DCAF4: variants seen among roughly 807,000 people sequenced by gnomAD.
DCAF4 encodes the protein DDB1 and CUL4 associated factor 4, also known as DDB1- and CUL4-associated factor 4.
Under a neutral mutation model 60.9 loss-of-function variants are expected in DCAF4, and 37 were observed. That is an observed-to-expected ratio of 0.61 (90% CI 0.47 to 0.80). The LOEUF (loss-of-function observed/expected upper bound fraction) is 0.80, where lower values mean the gene tolerates loss of function less well. Among genes scored for constraint, DCAF4 ranks in the 30% least tolerant of loss-of-function variants. The pLI, the probability that DCAF4 is intolerant of heterozygous loss-of-function variation, is 0.00. For synonymous variants in DCAF4, 243 were observed against 254.8 expected (o/e 0.95, Z 0.44); for missense variants, 577 against 650.0 (o/e 0.89, Z 1.22).
intron 9 of DCAF4, among the ~76,000 whole-genome samples, chr14:72,953,776 A>T (rs1160594613): frequency 3.1e-4 from 11 of 35,532 alleles, no homozygotes; most frequent in South Asian, 1.2e-3. Flanking sequence ...TTATTTATTT[A>T]TTTATTTGTG....
chr14:72,953,732 A>AAAAAAATATAT (rs1555527852), intron 9 of DCAF4, among the ~76,000 whole-genome samples: 2 of 21,766 alleles, frequency 9.2e-5, no homozygotes, highest in African/African-American at 2.3e-4. Context: ...AAAAAAAAAA[A>AAAAAAATATAT]ATATATATAT....
intron 9 of DCAF4, among the ~76,000 whole-genome samples, chr14:72,953,014 T>G (rs1219438686): frequency 7.4e-6 from 1 of 135,478 alleles, no homozygotes; most frequent in Non-Finnish European, 1.6e-5. Context: ...TTTTTTTTTT[T>G]TTTGAGATGG....
chr14:72,939,879 C>T lies in DCAF4; in HGVS notation c.170C>T (p.Thr57Ile), dbSNP rs1341259130. The stretch of plus-strand genomic sequence containing the variant: ...GAGTCTCCGTCAACCTCGTCTGGCA[C>T]AGCTGGGACCTCCTCTGTGCCAGGT... Reference protein sequence around the residue: ...DDESPSTSSGTAGTSSVPELP... With the variant: ...DDESPSTSSGIAGTSSVPELP... The change falls in exon 3 of 14, where the codon ACA (threonine) becomes ATA (isoleucine). Residue 57 changes from threonine to isoleucine, a missense_variant. Physicochemically the swap from Thr to Ile is moderately conservative, Grantham distance 89 (BLOSUM62 -1). Transcript: ENST00000358377. The T allele has an allele frequency of 6.2e-7, 1 of 1,610,486 alleles. No homozygotes were observed. The highest frequency in any genetic ancestry group is 8.5e-7 in the Non-Finnish European group (1 of 1,178,536).
At chr14:72,955,491 A>T (rs1483277923) in intron 11 of DCAF4, 32 bp from the exon 12 acceptor site, 24 of 1,604,418 alleles carry the variant, frequency 1.5e-5, no homozygotes, top group Non-Finnish European at 2.0e-5. Context: ...ATGTCATGAT[A>T]GCCAGGCACT....
At chr14:72,942,536 T>C (rs1890182843) in intron 5 of DCAF4, 1 of 159,124 alleles carries the variant, frequency 6.3e-6, no homozygotes, top group Non-Finnish European at 1.4e-5. Flanking sequence ...CCTCCTGTTT[T>C]CCTCCTTCTG....
intron 2 of DCAF4, among the ~76,000 whole-genome samples, chr14:72,939,076 G>A (rs1338847711): frequency 2.0e-5 from 3 of 152,062 alleles, no homozygotes; most frequent in Admixed American, 6.5e-5. Flanking sequence ...TGGCTGGGCC[G>A]GGTGTGGTGG....
intron 9 of DCAF4, among the ~76,000 whole-genome samples, chr14:72,953,490 G>A (rs1203335387): frequency 1.3e-5 from 2 of 151,156 alleles, no homozygotes; most frequent in African/African-American, 2.4e-5. Flanking sequence ...CAGGATAATC[G>A]TTTGAGCCCA....
intron 11 of DCAF4, among the ~76,000 whole-genome samples, chr14:72,954,820 T>G (rs966320984): frequency 4.6e-5 from 7 of 152,112 alleles, no homozygotes; most frequent in African/African-American, 1.7e-4. Flanking sequence ...TTTTATATGT[T>G]TAAAAAATCA....
Position 72,959,300 on chromosome 14 carries a change from A to G in DCAF4, c.*495A>G, listed in dbSNP as rs1892681164. On this transcript the variant is annotated 3_prime_UTR_variant, in exon 14 of 14. Coordinates refer to ENST00000358377, the MANE Select transcript of DCAF4 (RefSeq NM_015604.4). ...GTTACTTCTCTAAGTTTCTGCAGAA[A>G]TATTGAAGGCTGGAGTTTGGAATCC... 8 of 985,726 alleles carry G rather than the reference A, an allele frequency of 8.1e-6. No homozygotes were observed. Among genetic ancestry groups the G allele is most frequent in the African/African-American group, 1.7e-5 (1 of 57,248 alleles). The allele number at this position is 985,726 out of a possible 1,614,324, so 61.1% of individuals were successfully genotyped here.
At chr14:72,947,461 A>G (rs1890881385) in intron 8 of DCAF4, among the ~76,000 whole-genome samples, 1 of 152,242 alleles carries the variant, frequency 6.6e-6, no homozygotes, top group Non-Finnish European at 1.5e-5. Flanking sequence ...GGGCCTTCAC[A>G]TGCATGTGGT....
chr14:72,953,731 AAATATATATATATATATATAT>A (rs1158792389), intron 9 of DCAF4, among the ~76,000 whole-genome samples: 5 of 36,566 alleles, frequency 1.4e-4, no homozygotes, highest in African/African-American at 7.4e-4. Context: ...AAAAAAAAAA[AAATATATATATATATATATAT>A]ATATATATAT....
In DCAF4 at chr14:72,935,850, A is replaced by C. The variant is rs1359652319; in HGVS notation, c.-8-2121A>C. On this transcript the variant is annotated intron_variant, in intron 1 of 13. Transcript: ENST00000358377. ...GCATTGTTACATAATTCAACAAATT[A>C]GAATCATTTCATATACAGAATATGC... Among the ~76,000 whole-genome samples, 3 of 152,270 alleles carry C rather than the reference A, an allele frequency of 2.0e-5. No homozygotes were observed. The East Asian group carries it at 5.8e-4, about 29-fold the overall frequency.
intron 13 of DCAF4, 149 bp from the exon 14 acceptor site, chr14:72,958,463 T>G: frequency 1.1e-6 from 1 of 904,886 alleles, no homozygotes; most frequent in Non-Finnish European, 1.7e-6. Flanking sequence ...ACTTGGGTTA[T>G]CCGTAGAAAT....
chr14:72,940,591 G>T (rs73309964), intron 4 of DCAF4: 145,149 of 284,510 alleles, frequency 0.51, 36,383 homozygotes, highest in East Asian at 0.61. Flanking sequence ...TCGATAAGTT[G>T]TTTTTTTTTT....
chr14:72,956,071 C>T (rs892492217), intron 12 of DCAF4, among the ~76,000 whole-genome samples: 1 of 151,652 alleles, frequency 6.6e-6, no homozygotes, highest in Non-Finnish European at 1.5e-5. Context: ...TACAGGTACC[C>T]GCCACTGCGC....
chr14:72,954,511 T>G (rs750842181), intron 11 of DCAF4, 28 bp downstream of exon 11: 4 of 1,610,544 alleles, frequency 2.5e-6, no homozygotes, highest in Non-Finnish European at 3.4e-6. Flanking sequence ...AGGCAGAATA[T>G]AAAAGTTTGC....
intron 11 of DCAF4, 115 bp from the exon 12 acceptor site, chr14:72,955,408 A>G: frequency 7.9e-7 from 1 of 1,264,508 alleles, no homozygotes; most frequent in South Asian, 1.4e-5. Context: ...GCACGTGTCT[A>G]ATCACACCGT....
intron 5 of DCAF4, chr14:72,942,445 C>T: frequency 6.4e-6 from 1 of 155,496 alleles, no homozygotes; most frequent in Non-Finnish European, 1.4e-5. Context: ...AGGCAGCTTC[C>T]TGGGGCACAG....
At position 72,926,552 on chromosome 14, in the gene DCAF4, G is replaced by C. The variant is rs1887569512; in HGVS notation, c.-9+9G>C. The C allele has an allele frequency of 1.3e-5, 2 of 152,356 alleles. No homozygotes were observed. Among genetic ancestry groups the C allele is most frequent in the East Asian group, 3.9e-4 (2 of 5,182 alleles). 9.4% of individuals were successfully genotyped at this position (152,356 alleles called of 1,614,324 possible). On this transcript the variant is annotated intron_variant, in intron 1 of 13. Coordinates refer to ENST00000358377, the MANE Select transcript of DCAF4 (RefSeq NM_015604.4). Reference sequence around the variant, plus strand: ...AGGGACACGCTGAACAGGTAAGACTGTGCTGCCTGGGGTGCCTACTGGCAT... The same window carrying C: ...AGGGACACGCTGAACAGGTAAGACTCTGCTGCCTGGGGTGCCTACTGGCAT...
Sources: allele counts gnomAD v4.1 joint callset (sites outside exome capture counted in the v4.1 genomes callset), GRCh38; gene constraint gnomAD v4.1.1; transcripts MANE v1.5; gene names NCBI Gene and HGNC (gene_info 2026-07-23, HGNC 2026-07-21).